The following CELSR1 variants were observed in gnomAD, a reference collection of about 807,000 sequenced individuals.
The protein encoded by CELSR1 is adhesion G protein-coupled receptor C1.
CELSR1 carries 110 observed loss-of-function variants against 249.1 expected under a neutral mutation model. That is an observed-to-expected ratio of 0.44 (90% confidence interval 0.38 to 0.52). The LOEUF (loss-of-function observed/expected upper bound fraction) is 0.52, where lower values mean the gene tolerates loss of function less well. Among genes scored for constraint, CELSR1 ranks in the 20% least tolerant of loss-of-function variants. CELSR1 has a pLI of 0.00. For synonymous variants in CELSR1, 2,113 were observed against 1,900.0 expected, an observed-to-expected ratio of 1.11 and a Z score of -2.92; for missense variants, 4,109 against 4,296.4, an observed-to-expected ratio of 0.96 and a Z score of 1.22.
rs1272909062 is a variant in CELSR1, at chr22:46,527,822, G to A, written c.3544+5805C>T. Among the ~76,000 whole-genome samples, 3 of 152,206 alleles carry A rather than the reference G, an allele frequency of 2.0e-5. No homozygotes were observed. The highest frequency in any genetic ancestry group is 7.2e-5 in the African/African-American group (3 of 41,458). ...TAAGATGGTCCGACCCAGGCTGGGA[G>A]CGGTGGCTCACGCCTGTAATCCCAG... On this transcript the variant is annotated intron_variant, in intron 1 of 34. Transcript: ENST00000674500. The surrounding 1 kb of genome is among the most constrained non-coding windows in gnomAD (Gnocchi z 5.5).
At chr22:46,392,127 C>CCTTCATTTG (rs1450784526) in intron 14 of CELSR1, among the ~76,000 whole-genome samples, 5 of 152,258 alleles carry the variant, frequency 3.3e-5, no homozygotes, top group Admixed American at 3.3e-4. Context: ...TGGAGGCTTA[C>CCTTCATTTG]GTATGGGGAT....
At chr22:46,466,392 G>A (rs1472503957) in intron 1 of CELSR1, among the ~76,000 whole-genome samples, 1 of 152,238 alleles carries the variant, frequency 6.6e-6, no homozygotes, top group Non-Finnish European at 1.5e-5. Context: ...AAGAGGGCTG[G>A]AAGGTTCTGC....
chr22:46,422,569 C>CT (rs894390438), intron 5 of CELSR1, among the ~76,000 whole-genome samples: 3 of 148,846 alleles, frequency 2.0e-5, no homozygotes, highest in African/African-American at 7.4e-5. Context: ...CCCGTCTCTA[C>CT]TAAAAAAAAA....
At chr22:46,503,563 C>T (rs150527727) in intron 1 of CELSR1, among the ~76,000 whole-genome samples, 5 of 152,218 alleles carry the variant, frequency 3.3e-5, no homozygotes, top group Non-Finnish European at 5.9e-5. Context: ...GGCCCGAGGC[C>T]GGACCAGGCA....
intron 26 of CELSR1, 46 bp downstream of exon 26, chr22:46,369,646 A>C: frequency 6.4e-7 from 1 of 1,563,840 alleles, no homozygotes; most frequent in Non-Finnish European, 8.8e-7. Flanking sequence ...CTTCCAGCTC[A>C]TGCATGTTTG....
rs200980756 is a variant in CELSR1, at chr22:46,535,107, C to G, written c.2064G>C (p.Thr688=). The change falls in exon 1 of 35, where the codon ACG becomes ACC. Residue 688 remains threonine, a synonymous_variant. Transcript: ENST00000674500. ...LDVNDNDPVF[T]QPTYELRLNE... ...TCAGACGAAGCTCGTAGGTGGGCTGCGTGAACACCGGGTCGTTGTCATTCA... is the reference window on the plus strand; with the variant it reads ...TCAGACGAAGCTCGTAGGTGGGCTGGGTGAACACCGGGTCGTTGTCATTCA... 1.2e-6 allele frequency: 2 copies of G among 1,611,708 alleles called. No homozygotes were observed. The highest frequency in any genetic ancestry group is 1.3e-5 in the African/African-American group (1 of 74,916).
intron 2 of CELSR1, among the ~76,000 whole-genome samples, chr22:46,459,894 G>A (rs1207705395): frequency 6.6e-6 from 1 of 152,072 alleles, no homozygotes; most frequent in African/African-American, 2.4e-5. Context: ...AACCAGCAGA[G>A]CAGAGCACCA....
chr22:46,383,723 G>A (rs934090290), intron 20 of CELSR1, among the ~76,000 whole-genome samples: 9 of 152,064 alleles, frequency 5.9e-5, no homozygotes, highest in Non-Finnish European at 1.0e-4. Context: ...TAGAGATGGA[G>A]TTTCTCTATG....
chr22:46,455,995 G>A (rs1015886334), intron 2 of CELSR1, among the ~76,000 whole-genome samples: 2 of 152,248 alleles, frequency 1.3e-5, no homozygotes, highest in Non-Finnish European at 2.9e-5. Context: ...GCACCAAGGA[G>A]AGAAAAACTT....
chr22:46,431,309 G>A (rs548195160), intron 5 of CELSR1, among the ~76,000 whole-genome samples: 3 of 152,264 alleles, frequency 2.0e-5, no homozygotes, highest in South Asian at 2.1e-4. Flanking sequence ...CCACAGTGGC[G>A]TCCTGGCTGC....
At chr22:46,418,720 A>G (rs902277514) in intron 5 of CELSR1, among the ~76,000 whole-genome samples, 5 of 152,206 alleles carry the variant, frequency 3.3e-5, no homozygotes, top group African/African-American at 9.6e-5. Flanking sequence ...GCACGGTGCT[A>G]TTAGGCTTAT....
intron 2 of CELSR1, among the ~76,000 whole-genome samples, chr22:46,450,120 G>A (rs1039035962): frequency 2.6e-5 from 4 of 152,142 alleles, no homozygotes; most frequent in African/African-American, 7.2e-5. Flanking sequence ...AAGCCCAGGC[G>A]GCTGCAGCCT....
In CELSR1 at chr22:46,460,494, C is replaced by T. The variant is rs552291351; in HGVS notation, c.4183+3213G>A. ...AGGGATGGCAGGTGCAGAGGGGAGACGGAACAGGGCCCTGTGTCTGGACCC... is the reference window on the plus strand; with the variant it reads ...AGGGATGGCAGGTGCAGAGGGGAGATGGAACAGGGCCCTGTGTCTGGACCC... On this transcript the variant is annotated intron_variant, in intron 2 of 34. Transcript: ENST00000674500. Among the ~76,000 whole-genome samples the T allele has an allele frequency of 2.5e-4, 38 of 152,260 alleles. 1 individual carries two copies. The highest frequency in any genetic ancestry group is 2.0e-3 in the Admixed American group (30 of 15,302).
chr22:46,366,504 C>T lies in CELSR1; in HGVS notation c.8206-24G>A, dbSNP rs1032145259. ...CGCTGAAGGGAGGGGAGGGGCTGGT[C>T]ACTGCCAAGTGGTGGCCACCACATG... On this transcript the variant is annotated intron_variant, in intron 29 of 34. Transcript: ENST00000674500. The T allele has an allele frequency of 3.3e-6, 5 of 1,533,632 alleles. No individual in the cohort carries two copies. In the African/African-American group the frequency reaches 6.9e-5, roughly 21 times the overall value.
At chr22:46,523,651 C>T (rs1052344597) in intron 1 of CELSR1, among the ~76,000 whole-genome samples, 1 of 152,064 alleles carries the variant, frequency 6.6e-6, no homozygotes, top group African/African-American at 2.4e-5. Context: ...AGGCGACTCC[C>T]CGGCTAGTAC....
rs1569144256 is a variant in CELSR1, at chr22:46,411,556, G to GT, written c.4769+45dup. On this transcript the variant is annotated intron_variant, in intron 6 of 34. Coordinates refer to ENST00000674500, the MANE Select transcript of CELSR1 (RefSeq NM_001378328.1). This position sits in a 1 kb window ranked among gnomAD's most constrained non-coding sequence, Gnocchi z 4.2. Reference sequence around the variant, plus strand: ...CCTGGGAAGGCCGCAGGGTGAGCATGTTTGGGGGTACGGACCCCCAGGGCC... The same window carrying GT: ...CCTGGGAAGGCCGCAGGGTGAGCATGTTTTGGGGGTACGGACCCCCAGGGCC... 2.5e-6 allele frequency: 4 copies of GT among 1,609,328 alleles called. No homozygotes were observed. The African/African-American group carries it at 4.0e-5, about 16-fold the overall frequency.
chr22:46,463,696 CG>C lies in CELSR1; in HGVS notation c.4183+10del. The C allele has an allele frequency of 6.6e-7, 1 of 1,509,880 alleles. No homozygotes were observed. Among genetic ancestry groups the C allele is most frequent in the Non-Finnish European group, 8.8e-7 (1 of 1,131,138 alleles). 93.5% of individuals were successfully genotyped at this position (1,509,880 alleles called of 1,614,324 possible). ...CATGTACACAAAGCCAGGGTGAGCC[CG>C]GGCACCTACCAGTGAAGTCCTCGAA... On this transcript the variant is annotated intron_variant, in intron 2 of 34. Transcript: ENST00000674500.
rs1379031746 is a variant in CELSR1, at chr22:46,488,287, T to G, written c.3545-23942A>C. ...GATAGTCCCCAGAGCCAGTGCTACA[T>G]GGGAAGCCCTGCCCTCCTGGGGACA... On this transcript the variant is annotated intron_variant, in intron 1 of 34. Transcript: ENST00000674500. The surrounding 1 kb of genome is among the most constrained non-coding windows in gnomAD (Gnocchi z 4.7). Among the ~76,000 whole-genome samples the G allele has an allele frequency of 6.6e-6, 1 of 151,912 alleles. No individual in the cohort carries two copies. The highest frequency in any genetic ancestry group is 2.4e-5 in the African/African-American group (1 of 41,322).
At position 46,406,090 on chromosome 22, in the gene CELSR1, A is replaced by G. The variant is rs921755851; in HGVS notation, c.5226+2906T>C. Among the ~76,000 whole-genome samples the G allele has an allele frequency of 6.6e-6, 1 of 152,228 alleles. No homozygotes were observed. The highest frequency in any genetic ancestry group is 6.5e-5 in the Admixed American group (1 of 15,280). On this transcript the variant is annotated intron_variant, in intron 9 of 34. Transcript: ENST00000674500. This position sits in a 1 kb window ranked among gnomAD's most constrained non-coding sequence, Gnocchi z 5.4. ...AACAGCACCGGAGTCTGTGGCTTCC[A>G]GCACCATTCCTACTGAAAGCGCACT... is the stretch of plus-strand genomic sequence containing the variant.
Sources: gnomAD v4.1 joint callset for allele counts (sites outside exome capture counted in the v4.1 genomes callset) on GRCh38, gnomAD v4.1.1 for gene constraint, Gnocchi (gnomAD v3.1) non-coding constraint, MANE v1.5 for transcripts, NCBI Gene and HGNC (gene_info 2026-07-23, HGNC 2026-07-21) for gene names.